The following LRMDA variants were observed in gnomAD, a reference collection of about 807,000 sequenced individuals.
LRMDA encodes the protein leucine-rich melanocyte differentiation-associated protein.
LRMDA carries 18 observed loss-of-function variants against 29.8 expected under a neutral mutation model. That is an observed-to-expected ratio of 0.60 (90% CI 0.42 to 0.90). The LOEUF is 0.90. Ranked by LOEUF, LRMDA falls within the 40% of genes least tolerant of loss-of-function variation. LRMDA has a pLI of 0.00. For synonymous variants in LRMDA, 125 were observed against 109.4 expected (o/e 1.14, Z -0.89); for missense variants, 273 against 273.9 (o/e 1.00, Z 0.02).
At chr10:76,149,614 A>T (rs1005138040) in intron 5 of LRMDA, among the ~76,000 whole-genome samples, 2 of 152,204 alleles carry the variant, frequency 1.3e-5, no homozygotes, top group Non-Finnish European at 2.9e-5. Flanking sequence ...AAAAGCCTAC[A>T]AATTTTGGCA....
intron 2 of LRMDA, among the ~76,000 whole-genome samples, chr10:75,966,321 G>A (rs573904379): frequency 6.6e-6 from 1 of 152,176 alleles, no homozygotes; most frequent in Non-Finnish European, 1.5e-5. Flanking sequence ...GACTCTGAAT[G>A]TAGTTTCTTC....
At chr10:76,499,686 A>G (rs1842898359) in intron 6 of LRMDA, among the ~76,000 whole-genome samples, 1 of 74,478 alleles carries the variant, frequency 1.3e-5, no homozygotes, top group African/African-American at 3.3e-5. Context: ...CTATTATCTC[A>G]TCTAAAGACC....
intron 5 of LRMDA, among the ~76,000 whole-genome samples, chr10:76,085,899 G>C (rs1427643723): frequency 6.6e-6 from 1 of 152,084 alleles, no homozygotes; most frequent in Non-Finnish European, 1.5e-5. Flanking sequence ...ATAGACAGAG[G>C]AATATTTGAC....
intron 6 of LRMDA, among the ~76,000 whole-genome samples, chr10:76,360,852 A>G (rs1004875835): frequency 3.9e-5 from 6 of 152,154 alleles, no homozygotes; most frequent in African/African-American, 1.4e-4. Context: ...AAATGCAGAT[A>G]CCCCTGGAAG....
intron 2 of LRMDA, among the ~76,000 whole-genome samples, chr10:75,915,528 G>C (rs1845919115): frequency 6.6e-6 from 1 of 152,174 alleles, no homozygotes; most frequent in African/African-American, 2.4e-5. Flanking sequence ...GTATGAGCCA[G>C]CAAGTCTGGC....
intron 5 of LRMDA, among the ~76,000 whole-genome samples, chr10:76,098,935 G>T (rs1157985201): frequency 6.6e-6 from 1 of 152,156 alleles, no homozygotes; most frequent in African/African-American, 2.4e-5. Flanking sequence ...TCAGTTCCTG[G>T]GTGAGGGCTA....
intron 2 of LRMDA, among the ~76,000 whole-genome samples, chr10:75,783,596 C>T (rs1049441565): frequency 6.6e-6 from 1 of 151,892 alleles, no homozygotes; most frequent in African/African-American, 2.4e-5. Context: ...GAGGCTTAGG[C>T]TTGAATCCAC....
chr10:76,333,860 A>G (rs1250358034), intron 6 of LRMDA, among the ~76,000 whole-genome samples: 1 of 152,224 alleles, frequency 6.6e-6, no homozygotes, highest in Non-Finnish European at 1.5e-5. Flanking sequence ...ATTATATTTC[A>G]GGGTAGAGAG....
chr10:76,406,180 G>T (rs1031033289), intron 6 of LRMDA, among the ~76,000 whole-genome samples: 1 of 152,124 alleles, frequency 6.6e-6, no homozygotes, highest in African/African-American at 2.4e-5. Context: ...TTCCGGAAAG[G>T]GTGGCTGTGC....
chr10:75,777,937 A>G (rs897885934), intron 2 of LRMDA, among the ~76,000 whole-genome samples: 1 of 152,218 alleles, frequency 6.6e-6, no homozygotes, highest in African/African-American at 2.4e-5. Context: ...TGTATAATTT[A>G]TATATTCACA....
chr10:76,541,511 G>A (rs1467869894), intron 6 of LRMDA, among the ~76,000 whole-genome samples: 3 of 152,116 alleles, frequency 2.0e-5, no homozygotes, highest in Non-Finnish European at 4.4e-5. Context: ...AAAAGAGAAG[G>A]ATAAGTTCAG....
intron 6 of LRMDA, among the ~76,000 whole-genome samples, chr10:76,404,065 T>TA (rs1306880374): frequency 2.0e-5 from 3 of 150,780 alleles, no homozygotes; most frequent in South Asian, 4.2e-4. Context: ...TGAGTCACCT[T>TA]AAAAAAAAAT....
At chr10:76,223,988 C>A (rs896819813) in intron 5 of LRMDA, among the ~76,000 whole-genome samples, 1 of 152,210 alleles carries the variant, frequency 6.6e-6, no homozygotes, top group Non-Finnish European at 1.5e-5. Flanking sequence ...ACCTGCCAAC[C>A]ATTCTGTTCT....
At chr10:76,032,457 T>TAATTACAG (rs1848166347) in intron 2 of LRMDA, among the ~76,000 whole-genome samples, 1 of 152,212 alleles carries the variant, frequency 6.6e-6, no homozygotes, top group South Asian at 2.1e-4. Context: ...AGGATAGGGT[T>TAATTACAG]AATTACAGTG....
intron 2 of LRMDA, among the ~76,000 whole-genome samples, chr10:75,914,867 T>C (rs1451507771): frequency 6.6e-6 from 1 of 152,190 alleles, no homozygotes; most frequent in Non-Finnish European, 1.5e-5. Flanking sequence ...ACATGACCTC[T>C]TGTGTTGTAA....
chr10:75,880,864 CTG>C (rs1845282338), intron 2 of LRMDA, among the ~76,000 whole-genome samples: 1 of 152,210 alleles, frequency 6.6e-6, no homozygotes, highest in Non-Finnish European at 1.5e-5. Context: ...TACTTCCAGA[CTG>C]TATGATGGGA....
At chr10:75,452,642 C>T (rs1268086689) in intron 2 of LRMDA, among the ~76,000 whole-genome samples, 2 of 141,818 alleles carry the variant, frequency 1.4e-5, no homozygotes, top group Admixed American at 1.5e-4. Flanking sequence ...TAGGTTATTC[C>T]TCTGAAAATT....
intron 2 of LRMDA, among the ~76,000 whole-genome samples, chr10:75,894,800 G>C (rs1028712051): frequency 5.3e-5 from 8 of 152,180 alleles, no homozygotes; most frequent in African/African-American, 1.9e-4. Flanking sequence ...AGGCAATGAA[G>C]AGGAGAAAAC....
At chr10:76,382,021 A>C (rs565179914) in intron 6 of LRMDA, among the ~76,000 whole-genome samples, 6 of 152,354 alleles carry the variant, frequency 3.9e-5, no homozygotes, top group African/African-American at 1.4e-4. Context: ...GTTGTCCATC[A>C]TGTTTAACAG....
Sources: gnomAD v4.1 joint callset for allele counts (sites outside exome capture counted in the v4.1 genomes callset) on GRCh38, gnomAD v4.1.1 for gene constraint, MANE v1.5 for transcripts, NCBI Gene and HGNC (gene_info 2026-07-23, HGNC 2026-07-21) for gene names.